Variants in GPR174 observed in about 807,000 individuals in gnomAD.
The protein encoded by GPR174 is probable G protein-coupled receptor 174.
GPR174 carries 8 observed loss-of-function variants against 16.5 expected under a neutral mutation model. The ratio of observed to expected loss-of-function variants is 0.48; its 90% confidence interval spans 0.28 to 0.87. The LOEUF is 0.87. Ranked by LOEUF, GPR174 falls within the 40% of genes least tolerant of loss-of-function variation. GPR174 has a pLI of 0.09. For missense variants in GPR174, 214 were observed against 247.5 expected (o/e 0.86, Z 0.91); for synonymous variants, 111 against 94.8 (o/e 1.17, Z -0.99).
In GPR174 at chrX:79,145,054, CTTTCT is replaced by C. The variant is rs1228028763; in HGVS notation, c.-814_-810del. 17 of 36,038 alleles carry C rather than the reference CTTTCT, an allele frequency of 4.7e-4. No homozygotes were observed. The highest frequency in any genetic ancestry group is 5.3e-4 in the Non-Finnish European group (10 of 18,889). The allele number at this position is 36,038 out of a possible 1,213,427, so 3.0% of individuals were successfully genotyped here. A position where few individuals can be genotyped will look rare whatever the true frequency, so the allele number is the denominator to read the frequency against. ...TCTTTCTTTCTTTCTTTCTTTCTTTCTTTCTTTCTTTTTTTTCTCCTTTTGCTAGT... is the reference window on the plus strand; with the variant it reads ...TCTTTCTTTCTTTCTTTCTTTCTTTCTTCTTTTTTTTCTCCTTTTGCTAGT... On this transcript the variant is annotated 5_prime_UTR_variant, in exon 1 of 3. Transcript: ENST00000645147.
rs1921609082 is a variant in GPR174, at chrX:79,175,063, T to C, written c.*3054T>C. 9.0e-6 allele frequency: 1 copy of C among 111,642 alleles called. No individual in the cohort carries two copies. Among genetic ancestry groups the C allele is most frequent in the African/African-American group, 3.3e-5 (1 of 30,726 alleles). 9.2% of individuals were successfully genotyped at this position (111,642 alleles called of 1,213,427 possible). A position where few individuals can be genotyped will look rare whatever the true frequency, so the allele number is the denominator to read the frequency against. Reference sequence around the variant, plus strand: ...TATTCAAATGGTTTATATGTTTTCATTGTCACTCAGTTAAGCAGCCAATTC... The same window carrying C: ...TATTCAAATGGTTTATATGTTTTCACTGTCACTCAGTTAAGCAGCCAATTC... On this transcript the variant is annotated 3_prime_UTR_variant, in exon 3 of 3. Transcript: ENST00000645147.
chrX:79,161,113 T>C (rs1167098625), intron 2 of GPR174, among the ~76,000 whole-genome samples: 1 of 112,135 alleles, frequency 8.9e-6, no homozygotes, highest in Non-Finnish European at 1.9e-5. Flanking sequence ...TGCATATTTG[T>C]AATTAAACTG....
chrX:79,154,026 G>C (rs1270396639), intron 1 of GPR174, among the ~76,000 whole-genome samples: 1 of 111,721 alleles, frequency 9.0e-6, no homozygotes, highest in Non-Finnish European at 1.9e-5. Context: ...CAGAAAATGA[G>C]AAAATATTAT....
In GPR174 at chrX:79,172,586, G is replaced by A. The variant is rs1225606218; in HGVS notation, c.*577G>A. ...TAAAATAGCTATTTTCTTCATTTTTGTGTCAACATGAAACATCATTTGTCA... is the reference window on the plus strand; with the variant it reads ...TAAAATAGCTATTTTCTTCATTTTTATGTCAACATGAAACATCATTTGTCA... On this transcript the variant is annotated 3_prime_UTR_variant, in exon 3 of 3. Transcript: ENST00000645147. 8.9e-6 allele frequency: 1 copy of A among 111,794 alleles called. No homozygotes were observed. Among genetic ancestry groups the A allele is most frequent in the Admixed American group, 9.5e-5 (1 of 10,560 alleles). 9.2% of individuals were successfully genotyped at this position (111,794 alleles called of 1,213,427 possible). A position where few individuals can be genotyped will look rare whatever the true frequency, so the allele number is the denominator to read the frequency against.
At position 79,171,374 on chromosome X, in the gene GPR174, C is replaced by G; in HGVS notation, c.367C>G (p.Pro123Ala). The G allele has an allele frequency of 2.5e-6, 3 of 1,209,762 alleles. No homozygotes were observed. Among genetic ancestry groups the G allele is most frequent in the Middle Eastern group, 4.6e-4 (2 of 4,353 alleles). ...SVRRFWFLMY[P>A]FRFHDCKQKY... is the part of the protein sequence containing the mutation. ...GCGACGATTTTGGTTTCTCATGTACCCCTTTCGCTTCCATGACTGCAAACA... is the reference window on the plus strand; with the variant it reads ...GCGACGATTTTGGTTTCTCATGTACGCCTTTCGCTTCCATGACTGCAAACA... Residue 123 changes from proline (P) to alanine (A), a missense_variant, in exon 3 of 3, where the codon CCC becomes GCC. By Grantham distance (27) the Pro-to-Ala change is conservative (BLOSUM62 -1). Transcript: ENST00000645147.
intron 2 of GPR174, among the ~76,000 whole-genome samples, chrX:79,158,840 G>T (rs1921165284): frequency 9.3e-6 from 1 of 107,464 alleles, no homozygotes; most frequent in Non-Finnish European, 1.9e-5. Context: ...GCACAGCAGG[G>T]TGACTATGGT....
chrX:79,160,863 A>G (rs1164481717), intron 2 of GPR174, among the ~76,000 whole-genome samples: 1 of 111,745 alleles, frequency 8.9e-6, no homozygotes, highest in Non-Finnish European at 1.9e-5. Context: ...TGGTGGTATC[A>G]GTGATGTTCC....
intron 1 of GPR174, among the ~76,000 whole-genome samples, chrX:79,147,661 C>G (rs1021295230): frequency 9.2e-6 from 1 of 109,279 alleles, no homozygotes; most frequent in African/African-American, 3.3e-5. Context: ...TGCAGGAGGT[C>G]CTGAGGTCTA....
chrX:79,158,742 G>A (rs1298715937), intron 2 of GPR174, among the ~76,000 whole-genome samples: 6 of 103,564 alleles, frequency 5.8e-5, no homozygotes, highest in Non-Finnish European at 1.2e-4. Flanking sequence ...GCACCCAGCC[G>A]ACAGTGGCAT....
intron 1 of GPR174, 137 bp from the exon 2 acceptor site, chrX:79,156,685 G>C (rs1921106944): frequency 8.9e-6 from 1 of 112,009 alleles, no homozygotes; most frequent in Non-Finnish European, 1.9e-5. Flanking sequence ...TAATGACTAA[G>C]TGTAACTCTC....
intron 2 of GPR174, among the ~76,000 whole-genome samples, chrX:79,169,910 G>A (rs915237587): frequency 8.9e-6 from 1 of 112,025 alleles, no homozygotes; most frequent in African/African-American, 3.2e-5. Flanking sequence ...TCAAATGATG[G>A]TTCAAGGACA....
rs1921514802 is a variant in GPR174 at position 79,171,505 on chromosome X, C to T, written c.498C>T (p.Thr166=). 1.7e-6 allele frequency: 2 copies of T among 1,211,491 alleles called. No individual in the cohort carries two copies. The highest frequency in any genetic ancestry group is 2.2e-6 in the Non-Finnish European group (2 of 895,419). Residue 166 remains threonine, a synonymous_variant, in exon 3 of 3, where the codon ACC becomes ACT. Transcript: ENST00000645147. ...RTSDDTSGNR[T]KCFVDLPTRN... is the part of the protein sequence containing the mutation. The stretch of plus-strand genomic sequence containing the variant: ...GTGATGATACCTCTGGCAATAGGAC[C>T]AAATGCTTTGTGGATCTTCCTACCA...
At chrX:79,147,507 G>A (rs866058152) in intron 1 of GPR174, among the ~76,000 whole-genome samples, 30 of 88,331 alleles carry the variant, frequency 3.4e-4, no homozygotes, top group South Asian at 5.8e-4. Context: ...TGTGCTCATA[G>A]AAAAAAAAAA....
rs368855254 is a variant in GPR174, at chrX:79,173,632, C to A, written c.*1623C>A. 3.6e-5 allele frequency: 4 copies of A among 111,787 alleles called. No homozygotes were observed. The East Asian group carries it at 8.4e-4, about 23-fold the overall frequency. The allele number at this position is 111,787 out of a possible 1,213,427, so 9.2% of individuals were successfully genotyped here. ...GTGACATCAAAATGAATTCTAATAT[C>A]TAGACTGATGGAAAGTTTTCTAAAG... On this transcript the variant is annotated 3_prime_UTR_variant, in exon 3 of 3. Coordinates refer to ENST00000645147, the MANE Select transcript of GPR174 (RefSeq NM_032553.3).
chrX:79,145,390 C>A (rs903979337), intron 1 of GPR174, among the ~76,000 whole-genome samples, 173 bp downstream of exon 1: 4 of 111,234 alleles, frequency 3.6e-5, no homozygotes, highest in Non-Finnish European at 7.5e-5. Context: ...TTTGAACAAA[C>A]AAAAATAATT....
At chrX:79,149,904 G>GT (rs1216211785) in intron 1 of GPR174, among the ~76,000 whole-genome samples, 1 of 106,675 alleles carries the variant, frequency 9.4e-6, no homozygotes, top group African/African-American at 3.4e-5. Flanking sequence ...GAAAAGGGCT[G>GT]TTTTTCAGAA....
chrX:79,158,441 T>C (rs1921151014), intron 2 of GPR174, among the ~76,000 whole-genome samples: 1 of 75,792 alleles, frequency 1.3e-5, no homozygotes, highest in African/African-American at 4.6e-5. Context: ...TTTCTTTCTT[T>C]CTTTTTCTTT....
chrX:79,159,860 T>A (rs1921191825), intron 2 of GPR174, among the ~76,000 whole-genome samples: 1 of 112,068 alleles, frequency 8.9e-6, no homozygotes, highest in Non-Finnish European at 1.9e-5. Flanking sequence ...TGGTTTAACA[T>A]GCTTATTTTA....
chrX:79,157,587 T>C (rs552684096), intron 2 of GPR174, among the ~76,000 whole-genome samples: 1 of 112,077 alleles, frequency 8.9e-6, no homozygotes, highest in South Asian at 3.7e-4. Context: ...GTAATATGTG[T>C]GTATGTTGAG....
Sources: gnomAD v4.1 joint callset for allele counts (sites outside exome capture counted in the v4.1 genomes callset) on GRCh38, gnomAD v4.1.1 for gene constraint, MANE v1.5 for transcripts, NCBI Gene and HGNC (gene_info 2026-07-23, HGNC 2026-07-21) for gene names.